Variants in SLC10A2 observed in about 807,000 individuals in gnomAD.
SLC10A2 encodes the protein ileal sodium/bile acid cotransporter.
SLC10A2 carries 34 observed loss-of-function variants against 27.1 expected under a neutral mutation model. That is an observed-to-expected ratio of 1.26 (90% CI 0.96 to 1.67). SLC10A2 has a LOEUF of 1.67. Ranked by LOEUF, SLC10A2 falls within the 40% of genes most tolerant of loss-of-function variation. SLC10A2 has a pLI of 0.00. For missense variants in SLC10A2, 530 were observed against 444.4 expected (o/e 1.19, Z -1.73); for synonymous variants, 205 against 174.0 (o/e 1.18, Z -1.40).
chr13:103,059,422 G>A (rs1382350794), intron 1 of SLC10A2, among the ~76,000 whole-genome samples: 1 of 152,036 alleles, frequency 6.6e-6, no homozygotes, highest in South Asian at 2.1e-4. Flanking sequence ...TTCGATTCAT[G>A]ATAAGAAAGT....
intron 1 of SLC10A2, among the ~76,000 whole-genome samples, chr13:103,059,373 G>GA (rs1566514438): frequency 3.9e-5 from 6 of 152,204 alleles, no homozygotes; most frequent in African/African-American, 1.4e-4. Context: ...TATAAGCAGA[G>GA]TAGACAAACA....
chr13:103,057,835 C>T lies in SLC10A2; in HGVS notation c.496+429G>A, dbSNP rs571877100. 1.4e-3 allele frequency among the ~76,000 whole-genome samples: 207 copies of T among 151,916 alleles called. 1 individual carries two copies. Among genetic ancestry groups the T allele is most frequent in the African/African-American group, 4.4e-3 (183 of 41,408 alleles). The stretch of plus-strand genomic sequence containing the variant: ...TGAAATTTGCAGTGAGCCGAGATCA[C>T]GCCCCTGCACTCCAGGCTGGGTGGC... On this transcript the variant is annotated intron_variant, in intron 2 of 5. Coordinates refer to ENST00000245312, the MANE Select transcript of SLC10A2 (RefSeq NM_000452.3).
At chr13:103,053,374 C>T (rs1875845348) in intron 2 of SLC10A2, among the ~76,000 whole-genome samples, 1 of 152,108 alleles carries the variant, frequency 6.6e-6, no homozygotes, top group African/African-American at 2.4e-5. Context: ...GACGAACTCT[C>T]ATGTAATTAT....
At chr13:103,062,578 G>T (rs188765445) in intron 1 of SLC10A2, among the ~76,000 whole-genome samples, 2 of 152,300 alleles carry the variant, frequency 1.3e-5, no homozygotes, top group East Asian at 3.9e-4. Flanking sequence ...ATGGTTTTGG[G>T]TTAGGTCTCC....
At chr13:103,052,527 A>G in intron 3 of SLC10A2, 93 bp downstream of exon 3, 3 of 905,802 alleles carry the variant, frequency 3.3e-6, no homozygotes, top group Non-Finnish European at 1.9e-6. Context: ...AACAGTAATC[A>G]TATAATGAGA....
At chr13:103,051,539 G>A (rs2138914370) in intron 3 of SLC10A2, 107 bp from the exon 4 acceptor site, 2 of 1,238,768 alleles carry the variant, frequency 1.6e-6, no homozygotes, top group Non-Finnish European at 2.3e-6. Flanking sequence ...TGGGGGAAGT[G>A]ATGATAAAGT....
rs775205326 is a variant in SLC10A2 at position 103,066,104 on chromosome 13, A to AT, written c.145dup (p.Met49AsnfsTer43). On this transcript the variant is annotated frameshift_variant, in exon 1 of 6. Transcript: ENST00000245312. LOFTEE classifies it high-confidence loss of function. ...TTTCTTGATTTCCACGTTGCATCCC[A>AT]TGGAGAACATCACCAAGGCCAACAG... 1.5e-5 allele frequency: 24 copies of AT among 1,614,026 alleles called. 1 individual carries two copies. In the South Asian group the frequency reaches 2.6e-4, roughly 18 times the overall value.
intron 2 of SLC10A2, among the ~76,000 whole-genome samples, chr13:103,057,736 A>G (rs1280047142): frequency 6.6e-6 from 1 of 151,988 alleles, no homozygotes; most frequent in East Asian, 1.9e-4. Flanking sequence ...AAAATTAGCC[A>G]GGCGTGGTAG....
Position 103,065,893 on chromosome 13 carries a change from G to T in SLC10A2, c.357C>A (p.Val119=). The T allele has an allele frequency of 1.2e-6, 2 of 1,614,028 alleles. No homozygotes were observed. The highest frequency in any genetic ancestry group is 1.3e-5 in the African/African-American group (1 of 75,010). The change falls in exon 1 of 6, where the codon GTC becomes GTA. Residue 119 remains valine (V), a synonymous_variant. Transcript: ENST00000245312. ...CTTACCTCAGGTCCATGTCGCCATC[G>T]ACCCAATAGGCCAAGATATTGGAGG... ...GTASNILAYW[V]DGDMDLSVSM... is the part of the protein sequence containing the mutation.
Position 103,065,763 on chromosome 13 carries a change from T to C in SLC10A2, c.377+110A>G, listed in dbSNP as rs1876252384. Reference sequence around the variant, plus strand: ...ATTTATTCTCTCCTGTTTGATTCCTTAGTCATACTTTAGATGCGTGGCAAA... The same window carrying C: ...ATTTATTCTCTCCTGTTTGATTCCTCAGTCATACTTTAGATGCGTGGCAAA... On this transcript the variant is annotated intron_variant, in intron 1 of 5. Coordinates refer to ENST00000245312, the MANE Select transcript of SLC10A2 (RefSeq NM_000452.3). 3 of 1,231,586 alleles carry C rather than the reference T, an allele frequency of 2.4e-6. No individual in the cohort carries two copies. The South Asian group carries it at 3.6e-5, about 15-fold the overall frequency. The allele number at this position is 1,231,586 out of a possible 1,614,324, so 76.3% of individuals were successfully genotyped here.
intron 2 of SLC10A2, among the ~76,000 whole-genome samples, chr13:103,057,394 G>T (rs1447435432): frequency 6.6e-6 from 1 of 152,138 alleles, no homozygotes; most frequent in Non-Finnish European, 1.5e-5. Context: ...TTTGGGATGA[G>T]GGTGAAATGA....
intron 4 of SLC10A2, among the ~76,000 whole-genome samples, chr13:103,050,382 T>C (rs1875743549): frequency 6.6e-6 from 1 of 152,188 alleles, no homozygotes; most frequent in Non-Finnish European, 1.5e-5. Flanking sequence ...TACATGCATC[T>C]GTCCCTACAC....
chr13:103,053,823 G>A (rs1397366061), intron 2 of SLC10A2, among the ~76,000 whole-genome samples: 2 of 151,124 alleles, frequency 1.3e-5, no homozygotes, highest in African/African-American at 4.9e-5. Flanking sequence ...TTACTTAGCA[G>A]AATTAAATAA....
rs1191237506 is a variant in SLC10A2 at position 103,045,985 on chromosome 13, TG to T, written c.*147del. 1 of 846,578 alleles carries T rather than the reference TG, an allele frequency of 1.2e-6. No homozygotes were observed. The highest frequency in any genetic ancestry group is 1.7e-5 in the African/African-American group (1 of 58,624). 52.4% of individuals were successfully genotyped at this position (846,578 alleles called of 1,614,324 possible). On this transcript the variant is annotated 3_prime_UTR_variant, in exon 6 of 6. Transcript: ENST00000245312. ...TTAAAGAATTGGGCCACCAGTCACT[TG>T]GTACTGAAACCAATACATGAATTCC...
chr13:103,066,134 G>T lies in SLC10A2; in HGVS notation c.116C>A (p.Thr39Asn). 1.2e-6 allele frequency: 2 copies of T among 1,614,028 alleles called. No homozygotes were observed. The highest frequency in any genetic ancestry group is 1.7e-4 in the Middle Eastern group (1 of 6,058). Residue 39 changes from threonine to asparagine, a missense_variant, in exon 1 of 6, where the codon ACC (threonine) becomes AAC (asparagine). Coordinates refer to ENST00000245312, the MANE Select transcript of SLC10A2 (RefSeq NM_000452.3). ...ILSVVLSTVL[T>N]ILLALVMFSM... The stretch of plus-strand genomic sequence containing the variant: ...GAACATCACCAAGGCCAACAGGATG[G>T]TCAGCACCGTACTTAGGACCACACT...
chr13:103,056,810 C>A (rs984659878), intron 2 of SLC10A2, among the ~76,000 whole-genome samples: 1 of 152,010 alleles, frequency 6.6e-6, no homozygotes, highest in Non-Finnish European at 1.5e-5. Context: ...ATATCAAAAG[C>A]CCATACTGAA....
At chr13:103,051,842 C>T (rs556144723) in intron 3 of SLC10A2, among the ~76,000 whole-genome samples, 1 of 152,110 alleles carries the variant, frequency 6.6e-6, no homozygotes, top group African/African-American at 2.4e-5. Flanking sequence ...GATAAAATGT[C>T]GCCCCAGCTT....
intron 1 of SLC10A2, among the ~76,000 whole-genome samples, chr13:103,059,583 C>T (rs929513899): frequency 6.6e-6 from 1 of 152,144 alleles, no homozygotes; most frequent in Non-Finnish European, 1.5e-5. Context: ...CCGTCCTTCC[C>T]TCCCCTTTTA....
Position 103,051,443 on chromosome 13 carries a change from A to C in SLC10A2, c.586-11T>G. ...CGCGATGGACCCAATCTGAAAAAAA[A>C]AGGAATAAGTGAACCCAGCAATCAT... On this transcript the variant is annotated splice_polypyrimidine_tract_variant and intron_variant, in intron 3 of 5. Coordinates refer to ENST00000245312, the MANE Select transcript of SLC10A2 (RefSeq NM_000452.3). 1 of 1,613,764 alleles carries C rather than the reference A, an allele frequency of 6.2e-7. No individual in the cohort carries two copies. Among genetic ancestry groups the C allele is most frequent in the Non-Finnish European group, 8.5e-7 (1 of 1,179,832 alleles).
Sources: gnomAD v4.1 joint callset for allele counts (sites outside exome capture counted in the v4.1 genomes callset) on GRCh38, gnomAD v4.1.1 for gene constraint, MANE v1.5 for transcripts, NCBI Gene and HGNC (gene_info 2026-07-23, HGNC 2026-07-21) for gene names.